Variants in RANBP17 observed in about 807,000 individuals in gnomAD.
RANBP17 encodes RAN binding protein 17.
Under a neutral mutation model 141.2 loss-of-function variants are expected in RANBP17, and 158 were observed. The ratio of observed to expected loss-of-function variants is 1.12; its 90% confidence interval spans 0.98 to 1.28. The LOEUF (loss-of-function observed/expected upper bound fraction) is 1.28. Ranked by LOEUF, RANBP17 falls within the 50% of genes most tolerant of loss-of-function variation. The pLI is 0.00. For synonymous variants in RANBP17, 430 were observed against 450.0 expected, an observed-to-expected ratio of 0.96 and a Z score of 0.56; for missense variants, 1,438 against 1,290.7, an observed-to-expected ratio of 1.11 and a Z score of -1.75.
intron 14 of RANBP17, among the ~76,000 whole-genome samples, chr5:170,976,835 C>G (rs951193883): frequency 2.6e-5 from 4 of 152,092 alleles, no homozygotes; most frequent in Non-Finnish European, 4.4e-5. Context: ...TTAGTCCTCT[C>G]TCTCACACCA....
intron 4 of RANBP17, among the ~76,000 whole-genome samples, chr5:170,895,382 G>A (rs1296115157): frequency 6.6e-6 from 1 of 152,142 alleles, no homozygotes; most frequent in Non-Finnish European, 1.5e-5. Context: ...TTAGTAATGT[G>A]CATATAAAGT....
chr5:171,132,785 CTT>C (rs1164858278), intron 14 of RANBP17, among the ~76,000 whole-genome samples: 1 of 152,038 alleles, frequency 6.6e-6, no homozygotes, highest in Non-Finnish European at 1.5e-5. Context: ...TTTTTCAACT[CTT>C]TTCGTTTACT....
chr5:170,916,624 C>G (rs1771995654), intron 9 of RANBP17, 40 bp downstream of exon 9: 2 of 1,326,776 alleles, frequency 1.5e-6, no homozygotes, highest in Non-Finnish European at 2.0e-6. Flanking sequence ...TATAGAGATA[C>G]AGTTTTTCAG....
chr5:170,975,253 G>A (rs757513520), intron 14 of RANBP17, among the ~76,000 whole-genome samples: 31 of 152,136 alleles, frequency 2.0e-4, no homozygotes, highest in Non-Finnish European at 4.3e-4. Flanking sequence ...AGCCAGCTGG[G>A]CGTGGTGGCT....
intron 22 of RANBP17, among the ~76,000 whole-genome samples, chr5:171,230,034 C>G (rs1461145294): frequency 6.6e-6 from 1 of 151,876 alleles, no homozygotes; most frequent in Non-Finnish European, 1.5e-5. Flanking sequence ...CATTGCACTC[C>G]AGCCTGGGCA....
intron 14 of RANBP17, among the ~76,000 whole-genome samples, chr5:171,169,654 T>C (rs1759958446): frequency 6.6e-6 from 1 of 150,848 alleles, no homozygotes; most frequent in Non-Finnish European, 1.5e-5. Context: ...TTCTATAAGT[T>C]AACTTCCTTT....
chr5:171,240,932 T>G lies in RANBP17; in HGVS notation c.2427T>G (p.Asn809Lys). ...EASKMVCTYG[N>K]QILSLGSLSK... Reference sequence around the variant, plus strand: ...TCTGCTTTTATCCTGAAACAGGTAATCAGATCCTGTCCCTTGGGAGCCTCT... The same window carrying G: ...TCTGCTTTTATCCTGAAACAGGTAAGCAGATCCTGTCCCTTGGGAGCCTCT... The change falls in exon 23 of 28, where the codon AAT (asparagine) becomes AAG (lysine). Residue 809 changes from asparagine to lysine, a missense_variant. By Grantham distance (94) the Asn-to-Lys change is moderately conservative. Coordinates refer to ENST00000523189, the MANE Select transcript of RANBP17 (RefSeq NM_022897.5). The G allele has an allele frequency of 6.2e-7, 1 of 1,610,520 alleles. No individual in the cohort carries two copies. The highest frequency in any genetic ancestry group is 8.5e-7 in the Non-Finnish European group (1 of 1,177,102).
chr5:171,003,033 A>G (rs1197467557), intron 14 of RANBP17, among the ~76,000 whole-genome samples: 1 of 152,184 alleles, frequency 6.6e-6, no homozygotes, highest in East Asian at 1.9e-4. Flanking sequence ...TGAGAACTGT[A>G]GAGAGTGAGT....
intron 14 of RANBP17, among the ~76,000 whole-genome samples, chr5:171,050,702 A>G (rs780771750): frequency 6.6e-6 from 1 of 152,090 alleles, no homozygotes. Flanking sequence ...AAAAAAATGT[A>G]AGAAGAAAGT....
At chr5:171,115,376 A>T (rs938741259) in intron 14 of RANBP17, among the ~76,000 whole-genome samples, 13 of 152,266 alleles carry the variant, frequency 8.5e-5, no homozygotes, top group African/African-American at 3.1e-4. Flanking sequence ...TCTATTTCTA[A>T]TCTCTCTCAA....
intron 14 of RANBP17, among the ~76,000 whole-genome samples, chr5:171,011,412 CT>C (rs534247025): frequency 6.6e-6 from 1 of 151,248 alleles, no homozygotes; most frequent in Non-Finnish European, 1.5e-5. Flanking sequence ...TCGTTCTGTT[CT>C]TTTTTTTAAT....
intron 14 of RANBP17, among the ~76,000 whole-genome samples, chr5:171,138,559 C>T (rs1757473375): frequency 7.0e-6 from 1 of 143,710 alleles, no homozygotes; most frequent in Non-Finnish European, 1.5e-5. Context: ...AAAAAAAAGT[C>T]CTGAGAAAGC....
chr5:171,067,228 C>G (rs2127686140), intron 14 of RANBP17, among the ~76,000 whole-genome samples: 1 of 152,188 alleles, frequency 6.6e-6, no homozygotes, highest in African/African-American at 2.4e-5. Context: ...CCTGAATTTA[C>G]TTTGACTTGA....
At chr5:170,912,583 A>G (rs1771614591) in intron 7 of RANBP17, among the ~76,000 whole-genome samples, 1 of 152,016 alleles carries the variant, frequency 6.6e-6, no homozygotes, top group South Asian at 2.1e-4. Context: ...TGTTCAGAGA[A>G]TGTTCCAAAT....
chr5:171,052,489 C>CAT (rs577626729), intron 14 of RANBP17, among the ~76,000 whole-genome samples: 122 of 152,254 alleles, frequency 8.0e-4, no homozygotes, highest in African/African-American at 2.8e-3. Context: ...ATTCTTTCCC[C>CAT]ATAAAAGTAT....
At chr5:171,084,290 C>A (rs1257281820) in intron 14 of RANBP17, among the ~76,000 whole-genome samples, 1 of 148,270 alleles carries the variant, frequency 6.7e-6, no homozygotes, top group Admixed American at 6.8e-5. Context: ...AGGACATGAA[C>A]TCATCATTTT....
chr5:170,974,448 C>T (rs77807392), intron 14 of RANBP17, among the ~76,000 whole-genome samples: 5,256 of 152,232 alleles, frequency 0.035, 146 homozygotes, highest in East Asian at 0.12. Context: ...GGATTAGGCT[C>T]CCAAGGCTCT....
intron 18 of RANBP17, among the ~76,000 whole-genome samples, chr5:171,196,538 T>G (rs908865672): frequency 6.6e-6 from 1 of 152,200 alleles, no homozygotes; most frequent in African/African-American, 2.4e-5. Flanking sequence ...GTTATACTTT[T>G]TTTGATCACC....
intron 14 of RANBP17, among the ~76,000 whole-genome samples, chr5:171,040,317 A>C (rs1782173306): frequency 6.6e-6 from 1 of 152,172 alleles, no homozygotes; most frequent in South Asian, 2.1e-4. Flanking sequence ...TGTTCTTGAT[A>C]AGATATGACA....
Sources: allele counts gnomAD v4.1 joint callset (sites outside exome capture counted in the v4.1 genomes callset), GRCh38; gene constraint gnomAD v4.1.1; transcripts MANE v1.5; gene names NCBI Gene and HGNC (gene_info 2026-07-23, HGNC 2026-07-21).